The following SPCS2 variants were observed in gnomAD, a reference collection of about 807,000 sequenced individuals.
SPCS2 encodes SPase 25 kDa subunit.
In SPCS2, 3 loss-of-function variants were observed where a neutral mutation model predicts 22.3. The ratio of observed to expected loss-of-function variants is 0.13; its 90% CI spans 0.06 to 0.35. The LOEUF (loss-of-function observed/expected upper bound fraction) is 0.35. Ranked by LOEUF, SPCS2 falls within the 10% of genes least tolerant of loss-of-function variation. SPCS2 has a pLI of 1.00. For synonymous variants in SPCS2, 67 were observed against 97.2 expected (o/e 0.69, Z 1.83); for missense variants, 169 against 280.9 (o/e 0.60, Z 2.85).
At chr11:74,949,537 G>A in intron 1 of SPCS2, 138 bp downstream of exon 1, 1 of 773,102 alleles carries the variant, frequency 1.3e-6, no homozygotes, top group South Asian at 1.5e-5. Context: ...ACAACCCTAC[G>A]CACGCTTGGA....
At chr11:74,952,199 A>G (rs1948450767) in intron 1 of SPCS2, among the ~76,000 whole-genome samples, 4 of 152,162 alleles carry the variant, frequency 2.6e-5, no homozygotes, top group Admixed American at 2.6e-4. Context: ...AAAAAGAGAC[A>G]AATTTGAGTT....
intron 3 of SPCS2, among the ~76,000 whole-genome samples, chr11:74,967,561 G>A (rs1271045897): frequency 6.6e-6 from 1 of 152,142 alleles, no homozygotes; most frequent in East Asian, 1.9e-4. Context: ...GCCAGCCTGA[G>A]CAACTTGGAG....
intron 1 of SPCS2, among the ~76,000 whole-genome samples, chr11:74,958,016 T>TA (rs999947999): frequency 6.6e-6 from 1 of 152,248 alleles, no homozygotes; most frequent in Non-Finnish European, 1.5e-5. Context: ...ATCTCACACT[T>TA]ACTGGGTTCA....
chr11:74,975,533 T>C (rs1208949163), intron 4 of SPCS2, among the ~76,000 whole-genome samples: 1 of 152,160 alleles, frequency 6.6e-6, no homozygotes, highest in East Asian at 1.9e-4. Flanking sequence ...TCACAACTCA[T>C]CAGATCATGG....
At chr11:74,962,567 G>A (rs1948520614) in intron 1 of SPCS2, among the ~76,000 whole-genome samples, 1 of 151,128 alleles carries the variant, frequency 6.6e-6, no homozygotes, top group Admixed American at 6.6e-5. Context: ...AAAAAAGATA[G>A]CTTTTAAAAT....
chr11:74,953,021 C>T (rs151231313), intron 1 of SPCS2, among the ~76,000 whole-genome samples: 93 of 152,152 alleles, frequency 6.1e-4, no homozygotes, highest in African/African-American at 2.0e-3. Context: ...CATTGAATTT[C>T]GCAGAGAAAA....
rs1231131248 is a variant in SPCS2 at position 74,978,275 on chromosome 11, A to AT, written c.*1234dup. The AT allele has an allele frequency of 6.6e-6, 1 of 152,246 alleles. No homozygotes were observed. Among genetic ancestry groups the AT allele is most frequent in the East Asian group, 1.9e-4 (1 of 5,204 alleles). 9.4% of individuals were successfully genotyped at this position (152,246 alleles called of 1,614,324 possible). A position where few individuals can be genotyped will look rare whatever the true frequency, so the allele number is the denominator to read the frequency against. ...TATATTCAGTTTGTAAGAAATTACC[A>AT]TTATCACATTTCCTGTTTGTCTTGG... On this transcript the variant is annotated 3_prime_UTR_variant, in exon 5 of 5. Transcript: ENST00000263672.
Position 74,949,417 on chromosome 11 carries a change from G to A in SPCS2, c.114+18G>A. ...TGGATAAGGTGAGGAGCCGGTTCTTGGGAACAGTTGAATCCTGGGGAGGCC... is the reference window on the plus strand; with the variant it reads ...TGGATAAGGTGAGGAGCCGGTTCTTAGGAACAGTTGAATCCTGGGGAGGCC... On this transcript the variant is annotated intron_variant, in intron 1 of 4. Transcript: ENST00000263672. 1 of 1,548,262 alleles carries A rather than the reference G, an allele frequency of 6.5e-7. No individual in the cohort carries two copies. The highest frequency in any genetic ancestry group is 1.2e-5 in the South Asian group (1 of 83,994).
At chr11:74,958,942 A>G (rs1948494834) in intron 1 of SPCS2, among the ~76,000 whole-genome samples, 1 of 152,016 alleles carries the variant, frequency 6.6e-6, no homozygotes. Context: ...CGTAAATTTG[A>G]TTGTTATTCC....
At chr11:74,950,719 C>G (rs1375233585) in intron 1 of SPCS2, among the ~76,000 whole-genome samples, 1 of 152,138 alleles carries the variant, frequency 6.6e-6, no homozygotes, top group Non-Finnish European at 1.5e-5. Context: ...TTGCTTTTAA[C>G]TTTTCTGTAG....
intron 4 of SPCS2, among the ~76,000 whole-genome samples, chr11:74,971,246 T>C (rs954263645): frequency 1.3e-5 from 2 of 152,276 alleles, no homozygotes; most frequent in Non-Finnish European, 2.9e-5. Flanking sequence ...ATTTTGTTTA[T>C]CCATTTGTTG....
chr11:74,967,926 C>A (rs1305016816), intron 3 of SPCS2, among the ~76,000 whole-genome samples: 1 of 151,562 alleles, frequency 6.6e-6, no homozygotes, highest in Non-Finnish European at 1.5e-5. Flanking sequence ...AGAGTGAGAC[C>A]CTGTCTCAAA....
At chr11:74,968,745 G>C (rs768792306) in intron 3 of SPCS2, among the ~76,000 whole-genome samples, 2 of 151,918 alleles carry the variant, frequency 1.3e-5, no homozygotes, top group Non-Finnish European at 2.9e-5. Flanking sequence ...GGCTCATCTC[G>C]AACTCCTGAC....
At chr11:74,973,748 C>T (rs1395488012) in intron 4 of SPCS2, among the ~76,000 whole-genome samples, 2 of 152,082 alleles carry the variant, frequency 1.3e-5, no homozygotes, top group African/African-American at 4.8e-5. Context: ...CCTCCTCCCC[C>T]ATCTTTACTC....
At position 74,972,880 on chromosome 11, in the gene SPCS2, A is replaced by T. The variant is rs895745257; in HGVS notation, c.494+3181A>T. ...ATCTAATCTCTCTTATTAATGTTTT[A>T]TATATATATATATATTTTTTTTTTT... On this transcript the variant is annotated intron_variant, in intron 4 of 4. Transcript: ENST00000263672. Among the ~76,000 whole-genome samples, 43 of 123,132 alleles carry T rather than the reference A, an allele frequency of 3.5e-4. 1 individual carries two copies. Among genetic ancestry groups the T allele is most frequent in the Admixed American group, 8.5e-4 (10 of 11,740 alleles). The allele number at this position is 123,132 out of a possible 152,430, so 80.8% of individuals were successfully genotyped here.
chr11:74,974,906 A>G (rs1467831574), intron 4 of SPCS2, among the ~76,000 whole-genome samples: 1 of 151,966 alleles, frequency 6.6e-6, no homozygotes, highest in African/African-American at 2.4e-5. Flanking sequence ...GAGCCACGGC[A>G]CCCGGCCCAC....
At chr11:74,966,048 T>G (rs1948543299) in intron 3 of SPCS2, 125 bp downstream of exon 3, 4 of 848,310 alleles carry the variant, frequency 4.7e-6, no homozygotes, top group Non-Finnish European at 7.4e-6. Context: ...ATTCAACATT[T>G]TGAGCTGTGA....
chr11:74,953,009 A>G (rs1948455538), intron 1 of SPCS2, among the ~76,000 whole-genome samples: 1 of 152,176 alleles, frequency 6.6e-6, no homozygotes, highest in Non-Finnish European at 1.5e-5. Context: ...AAGTACTTTT[A>G]GCATTGAATT....
chr11:74,949,639 C>G (rs1258646138), intron 1 of SPCS2: 1 of 570,634 alleles, frequency 1.8e-6, no homozygotes, highest in Admixed American at 2.2e-5. Context: ...CTGGTCGCCA[C>G]ACCTTTTTCG....
Sources: gnomAD v4.1 joint callset for allele counts (sites outside exome capture counted in the v4.1 genomes callset) on GRCh38, gnomAD v4.1.1 for gene constraint, MANE v1.5 for transcripts, NCBI Gene and HGNC (gene_info 2026-07-23, HGNC 2026-07-21) for gene names.